CLPTM1L: variants seen among roughly 807,000 people sequenced by gnomAD.
CLPTM1L encodes the protein CLPTM1 like, also known as lipid scramblase CLPTM1L.
A neutral mutation model predicts 70.9 loss-of-function variants in CLPTM1L; 38 were observed. That is an observed-to-expected ratio of 0.54 (90% confidence interval 0.41 to 0.70). The LOEUF is 0.70. Among genes scored for constraint, CLPTM1L ranks in the 30% least tolerant of loss-of-function variants. CLPTM1L has a pLI of 0.00. For missense variants in CLPTM1L, 652 were observed against 705.9 expected (o/e 0.92, Z 0.87); for synonymous variants, 339 against 299.9 (o/e 1.13, Z -1.35).
Position 1,325,969 on chromosome 5 carries a change from G to A in CLPTM1L, c.1081-153C>T, listed in dbSNP as rs149587395. Reference sequence around the variant, plus strand: ...TCCCTCCCACAGCTCAGGCCAGAGCGCTGGAGGCTGGACCTGGGCCTCTAA... The same window carrying A: ...TCCCTCCCACAGCTCAGGCCAGAGCACTGGAGGCTGGACCTGGGCCTCTAA... On this transcript the variant is annotated intron_variant, in intron 9 of 16. Coordinates refer to ENST00000320895, the MANE Select transcript of CLPTM1L (RefSeq NM_030782.5). The A allele has an allele frequency of 1.6e-3, 1,010 of 636,150 alleles. 8 individuals carry two copies. Among genetic ancestry groups the A allele is most frequent in the African/African-American group, 0.015 (835 of 54,624 alleles). 39.4% of individuals were successfully genotyped at this position (636,150 alleles called of 1,614,324 possible).
At chr5:1,325,991 C>T (rs1752510272) in intron 9 of CLPTM1L, 175 bp from the exon 10 acceptor site, 1 of 596,616 alleles carries the variant, frequency 1.7e-6, no homozygotes, top group African/African-American at 1.9e-5. Flanking sequence ...ACCTGGGCCT[C>T]TAACCCACAC....
chr5:1,332,379 A>C (rs766281407), intron 7 of CLPTM1L: 1 of 155,060 alleles, frequency 6.4e-6, no homozygotes, highest in Non-Finnish European at 1.4e-5. Flanking sequence ...TCCAAAAAAA[A>C]CTTAAAAAAA....
At chr5:1,327,563 C>T (rs538029847) in intron 9 of CLPTM1L, among the ~76,000 whole-genome samples, 26 of 150,532 alleles carry the variant, frequency 1.7e-4, no homozygotes, top group African/African-American at 6.4e-4. Context: ...CCAGCTCCTG[C>T]TCTACAGGGA....
At chr5:1,343,892 C>T (rs1436703441) in intron 2 of CLPTM1L, among the ~76,000 whole-genome samples, 1 of 152,210 alleles carries the variant, frequency 6.6e-6, no homozygotes, top group East Asian at 1.9e-4. Flanking sequence ...CATATTTGGA[C>T]ATTGATCTAT....
intron 7 of CLPTM1L, chr5:1,332,441 C>T (rs1210391258): frequency 1.3e-5 from 2 of 152,454 alleles, no homozygotes; most frequent in African/African-American, 4.8e-5. Context: ...TAATAAAAAT[C>T]GTTTAATTCT....
chr5:1,319,494 G>C (rs1000896156), intron 16 of CLPTM1L, among the ~76,000 whole-genome samples: 3 of 152,220 alleles, frequency 2.0e-5, no homozygotes, highest in African/African-American at 7.2e-5. Context: ...GGCTGGGACA[G>C]AGGCTCTGAA....
chr5:1,329,469 G>A lies in CLPTM1L; in HGVS notation c.1080+811C>T, dbSNP rs183855207. ...GGACTCACCACTGCTTGGTGGACAGGGCCTCAGGACTCTCTGCTTGGTGGA... is the reference window on the plus strand; with the variant it reads ...GGACTCACCACTGCTTGGTGGACAGAGCCTCAGGACTCTCTGCTTGGTGGA... On this transcript the variant is annotated intron_variant, in intron 9 of 16. Coordinates refer to ENST00000320895, the MANE Select transcript of CLPTM1L (RefSeq NM_030782.5). Among the ~76,000 whole-genome samples the A allele has an allele frequency of 4.5e-3, 641 of 143,594 alleles. 8 individuals carry two copies. Among genetic ancestry groups the A allele is most frequent in the African/African-American group, 0.016 (592 of 37,410 alleles). The allele number at this position is 143,594 out of a possible 152,430, so 94.2% of individuals were successfully genotyped here. A position where few individuals can be genotyped will look rare whatever the true frequency, so the allele number is the denominator to read the frequency against.
At position 1,332,665 on chromosome 5, in the gene CLPTM1L, C is replaced by T. The variant is rs907724920; in HGVS notation, c.892-782G>A. Among the ~76,000 whole-genome samples, 7 of 152,196 alleles carry T rather than the reference C, an allele frequency of 4.6e-5. No individual in the cohort carries two copies. The East Asian group carries it at 7.7e-4, about 17-fold the overall frequency. Reference sequence around the variant, plus strand: ...TTACTGTCCATGGTTTCGGTTAGCACGGAGCAGTGCGATGAGACAGATATT... The same window carrying T: ...TTACTGTCCATGGTTTCGGTTAGCATGGAGCAGTGCGATGAGACAGATATT... On this transcript the variant is annotated intron_variant, in intron 7 of 16. Coordinates refer to ENST00000320895, the MANE Select transcript of CLPTM1L (RefSeq NM_030782.5).
chr5:1,331,407 C>T (rs141374394), intron 8 of CLPTM1L: 265 of 256,830 alleles, frequency 1.0e-3, no homozygotes, highest in African/African-American at 5.3e-3. Context: ...GAAGGAACAC[C>T]GGCGGGAGGA....
intron 16 of CLPTM1L, among the ~76,000 whole-genome samples, chr5:1,319,208 G>A (rs1043932626): frequency 3.3e-5 from 5 of 152,200 alleles, no homozygotes; most frequent in African/African-American, 1.2e-4. Flanking sequence ...TCTGCAGGGG[G>A]CAGGCGGCCA....
At chr5:1,333,678 G>A (rs1197142800) in intron 7 of CLPTM1L, among the ~76,000 whole-genome samples, 8 of 96,424 alleles carry the variant, frequency 8.3e-5, no homozygotes, top group South Asian at 3.4e-4. Context: ...GATAAGGGGG[G>A]ACTACTGTAG....
At chr5:1,344,182 T>C (rs541516904) in intron 2 of CLPTM1L, among the ~76,000 whole-genome samples, 169 bp downstream of exon 2, 170 of 152,386 alleles carry the variant, frequency 1.1e-3, no homozygotes, top group Non-Finnish European at 2.5e-4. Flanking sequence ...CCAGGCTGAA[T>C]GTTTACAGGC....
chr5:1,328,918 C>A (rs989281889), intron 9 of CLPTM1L, among the ~76,000 whole-genome samples: 60 of 140,544 alleles, frequency 4.3e-4, no homozygotes, highest in African/African-American at 7.7e-4. Flanking sequence ...CACATTTCAT[C>A]CAGCTCCTCC....
Position 1,341,826 on chromosome 5 carries a change from T to G in CLPTM1L, c.298A>C (p.Asn100His), listed in dbSNP as rs1753953459. 2.5e-6 allele frequency: 4 copies of G among 1,613,898 alleles called. No individual in the cohort carries two copies. The highest frequency in any genetic ancestry group is 4.5e-5 in the East Asian group (2 of 44,878). The change falls in exon 3 of 17, where the codon AAC (asparagine) becomes CAC (histidine). Residue 100 changes from asparagine (N) to histidine (H), a missense_variant. Physicochemically the swap from Asn to His is moderately conservative, Grantham distance 68. This residue lies in a region of CLPTM1L where 402 missense variants were observed against 388.2 expected (regional missense o/e 1.04). Coordinates refer to ENST00000320895, the MANE Select transcript of CLPTM1L (RefSeq NM_030782.5). ...VNVSVPKKTR[N>H]NGTLYAYIFL... is the part of the protein sequence containing the mutation. ...ATGTAGGCATACAGCGTCCCATTGT[T>G]TCTCGTTTTCTTTGGTACAGAAACA... is the stretch of plus-strand genomic sequence containing the variant.
intron 5 of CLPTM1L, among the ~76,000 whole-genome samples, chr5:1,335,460 T>C (rs1403481461): frequency 6.6e-6 from 1 of 152,222 alleles, no homozygotes; most frequent in Non-Finnish European, 1.5e-5. Context: ...CCTTCAATTT[T>C]AAGCCGCACA....
In CLPTM1L at chr5:1,338,972, G is replaced by C; in HGVS notation, c.487C>G (p.Leu163Val). Residue 163 changes from leucine (L) to valine (V), a missense_variant, in exon 4 of 17, where the codon CTG (leucine) becomes GTG (valine). Leu to Val is a conservative substitution (Grantham distance 32). Transcript: ENST00000320895. ...IEAEKKPTSALDEPVSHWRPR... is the reference protein window; with the variant it reads ...IEAEKKPTSAVDEPVSHWRPR... ...CGCCAGTGGGACACTGGCTCATCCA[G>C]GGCACTCGTCGGCTTCTTCTCCGCC... The C allele has an allele frequency of 6.2e-7, 1 of 1,613,316 alleles. No homozygotes were observed. The highest frequency in any genetic ancestry group is 1.1e-5 in the South Asian group (1 of 91,088).
At chr5:1,325,536 G>A in intron 10 of CLPTM1L, 1 of 572,590 alleles carries the variant, frequency 1.7e-6, no homozygotes, top group South Asian at 2.4e-5. Context: ...GCTGCCGTCT[G>A]CACTGAAGAC....
At chr5:1,320,554 CGTT>C (rs1191141281) in intron 16 of CLPTM1L, 59 bp downstream of exon 16, 5 of 883,964 alleles carry the variant, frequency 5.7e-6, no homozygotes, top group Non-Finnish European at 8.4e-6. Flanking sequence ...GCCGTCATTC[CGTT>C]CAGCAGCAGC....
chr5:1,335,295 C>T (rs1579646594), intron 5 of CLPTM1L, 121 bp from the exon 6 acceptor site: 2 of 776,806 alleles, frequency 2.6e-6, no homozygotes, highest in East Asian at 4.9e-5. Flanking sequence ...TCAGCCATGA[C>T]TGGGCCCAGC....
Sources: allele counts gnomAD v4.1 joint callset (sites outside exome capture counted in the v4.1 genomes callset), GRCh38; gene constraint gnomAD v4.1.1; regional missense constraint gnomAD v4.1.1; transcripts MANE v1.5; gene names NCBI Gene and HGNC (gene_info 2026-07-23, HGNC 2026-07-21).